Variants in ASXL3 observed in about 807,000 individuals in gnomAD.
ASXL3 encodes ASXL transcriptional regulator 3.
In ASXL3, 34 loss-of-function variants were observed where a neutral mutation model predicts 170.6. That is an observed-to-expected ratio of 0.20 (90% confidence interval 0.15 to 0.27). The LOEUF is 0.27. ASXL3 is among the 10% of genes least tolerant of loss of function. The pLI, the probability that ASXL3 is intolerant of heterozygous loss-of-function variation, is 1.00. For synonymous variants in ASXL3, 1,002 were observed against 989.1 expected, an observed-to-expected ratio of 1.01 and a Z score of -0.24; for missense variants, 2,592 against 2,695.3, an observed-to-expected ratio of 0.96 and a Z score of 0.85.
intron 7 of ASXL3, among the ~76,000 whole-genome samples, chr18:33,675,406 G>GTT (rs141135113): frequency 0.022 from 3,281 of 152,230 alleles, 123 homozygotes; most frequent in African/African-American, 0.076. Flanking sequence ...TGGAAATGAG[G>GTT]TTTTTTACTG....
At chr18:33,723,946 T>G (rs1030368068) in intron 8 of ASXL3, among the ~76,000 whole-genome samples, 2 of 152,196 alleles carry the variant, frequency 1.3e-5, no homozygotes, top group Non-Finnish European at 2.9e-5. Flanking sequence ...CTCAGATTAC[T>G]GTTATCATTT....
At chr18:33,594,119 G>A (rs2065103476) in intron 1 of ASXL3, among the ~76,000 whole-genome samples, 1 of 152,178 alleles carries the variant, frequency 6.6e-6, no homozygotes, top group Non-Finnish European at 1.5e-5. Flanking sequence ...GATTCCTTGT[G>A]GGCTTAAATC....
At chr18:33,662,545 T>C (rs1312302363) in intron 5 of ASXL3, among the ~76,000 whole-genome samples, 1 of 152,102 alleles carries the variant, frequency 6.6e-6, no homozygotes, top group African/African-American at 2.4e-5. Context: ...AAATGCTAAA[T>C]TGTGCAGAGA....
At chr18:33,688,880 T>C (rs2066642118) in intron 8 of ASXL3, among the ~76,000 whole-genome samples, 1 of 152,248 alleles carries the variant, frequency 6.6e-6, no homozygotes, top group African/African-American at 2.4e-5. Flanking sequence ...AAAAAAGTGT[T>C]GAAATAATCA....
intron 8 of ASXL3, among the ~76,000 whole-genome samples, chr18:33,701,336 G>C (rs2066870511): frequency 6.6e-6 from 1 of 151,986 alleles, no homozygotes; most frequent in African/African-American, 2.4e-5. Context: ...GAAGCCAGAT[G>C]GAATTTTGAT....
intron 8 of ASXL3, among the ~76,000 whole-genome samples, chr18:33,708,686 A>C (rs376408664): frequency 6.6e-6 from 1 of 152,186 alleles, no homozygotes; most frequent in Non-Finnish European, 1.5e-5. Flanking sequence ...CCAGTCCCTA[A>C]CAATCAAAAG....
chr18:33,613,960 A>G (rs1221940889), intron 2 of ASXL3, among the ~76,000 whole-genome samples: 2 of 152,096 alleles, frequency 1.3e-5, no homozygotes. Flanking sequence ...ACCTTCAGCA[A>G]GTCATAATCA....
chr18:33,615,819 A>G (rs551160962), intron 2 of ASXL3, among the ~76,000 whole-genome samples: 146 of 152,266 alleles, frequency 9.6e-4, no homozygotes, highest in African/African-American at 3.4e-3. Flanking sequence ...TATAGGGCTT[A>G]TATATGAATG....
In ASXL3 at chr18:33,623,092, T is replaced by G. The variant is rs542620927; in HGVS notation, c.137+15416T>G. 3.9e-5 allele frequency among the ~76,000 whole-genome samples: 6 copies of G among 152,264 alleles called. No individual in the cohort carries two copies. The South Asian group carries it at 1.2e-3, about 32-fold the overall frequency. On this transcript the variant is annotated intron_variant, in intron 2 of 11. Transcript: ENST00000269197. ...CTGAGCCTCTAATGGCCTTCACCAA[T>G]TTTTGCTCTCCACCCCCACCTTCAA...
rs148880905 is a variant in ASXL3, at chr18:33,679,673, C to T, written c.716-3732C>T. On this transcript the variant is annotated intron_variant, in intron 7 of 11. Transcript: ENST00000269197. ...CTTTGTGTGTATGTGGGAAAGAGGGCGTTGCGTACTGATTCATTTTTTAAA... is the reference window on the plus strand; with the variant it reads ...CTTTGTGTGTATGTGGGAAAGAGGGTGTTGCGTACTGATTCATTTTTTAAA... 5.1e-3 allele frequency among the ~76,000 whole-genome samples: 775 copies of T among 152,000 alleles called. 7 individuals carry two copies. The highest frequency in any genetic ancestry group is 0.018 in the African/African-American group (744 of 41,492).
At chr18:33,722,910 C>T (rs560803420) in intron 8 of ASXL3, among the ~76,000 whole-genome samples, 7 of 152,234 alleles carry the variant, frequency 4.6e-5, no homozygotes, top group African/African-American at 1.7e-4. Flanking sequence ...AATCCTACAG[C>T]CCTTAAGAAT....
Position 33,739,071 on chromosome 18 carries a change from C to T in ASXL3, c.1667C>T (p.Thr556Ile), listed in dbSNP as rs1334493958. Reference sequence around the variant, plus strand: ...TCATCTATGACTCATGTCAGTGACACAGAACATAAGGAGTCAGAAACTGCA... The same window carrying T: ...TCATCTATGACTCATGTCAGTGACATAGAACATAAGGAGTCAGAAACTGCA... Reference protein sequence around the residue: ...STSSMTHVSDTEHKESETAVE... With the variant: ...STSSMTHVSDIEHKESETAVE... The change falls in exon 11 of 12, where the codon ACA becomes ATA. Residue 556 changes from threonine (T) to isoleucine (I), a missense_variant. By Grantham distance (89) the Thr-to-Ile change is moderately conservative. Transcript: ENST00000269197. 1 of 1,613,110 alleles carries T rather than the reference C, an allele frequency of 6.2e-7. No homozygotes were observed. The highest frequency in any genetic ancestry group is 8.5e-7 in the Non-Finnish European group (1 of 1,179,626).
intron 5 of ASXL3, among the ~76,000 whole-genome samples, chr18:33,664,324 T>C (rs925601144): frequency 2.0e-5 from 3 of 152,294 alleles, no homozygotes; most frequent in East Asian, 1.9e-4. Context: ...TGTAATAGTA[T>C]AGACGAATTT....
chr18:33,635,259 A>G (rs998121874), intron 2 of ASXL3, among the ~76,000 whole-genome samples: 3 of 152,212 alleles, frequency 2.0e-5, no homozygotes, highest in Non-Finnish European at 4.4e-5. Flanking sequence ...AGCTTGTACA[A>G]GTCATATAAG....
chr18:33,601,129 T>C (rs991877531), intron 1 of ASXL3, among the ~76,000 whole-genome samples: 1 of 152,146 alleles, frequency 6.6e-6, no homozygotes, highest in African/African-American at 2.4e-5. Flanking sequence ...GATGAGAATA[T>C]GTGGCTAGTC....
chr18:33,722,605 AG>A (rs542378988), intron 8 of ASXL3, among the ~76,000 whole-genome samples: 1,577 of 152,262 alleles, frequency 0.01, 12 homozygotes, highest in Non-Finnish European at 0.013. Context: ...TTAGCTCATG[AG>A]GCTTAAGGAA....
intron 4 of ASXL3, among the ~76,000 whole-genome samples, chr18:33,655,224 A>C (rs571643997): frequency 6.6e-6 from 1 of 152,062 alleles, no homozygotes; most frequent in Admixed American, 6.6e-5. Context: ...ATCTGATTCA[A>C]CATTCCTCTT....
chr18:33,738,415 T>C lies in ASXL3; in HGVS notation c.1083-72T>C, dbSNP rs533741560. 2.8e-6 allele frequency: 4 copies of C among 1,413,874 alleles called. No homozygotes were observed. The Admixed American group carries it at 1.0e-4, about 36-fold the overall frequency. The allele number at this position is 1,413,874 out of a possible 1,614,324, so 87.6% of individuals were successfully genotyped here. A position where few individuals can be genotyped will look rare whatever the true frequency, so the allele number is the denominator to read the frequency against. On this transcript the variant is annotated intron_variant, in intron 10 of 11. Coordinates refer to ENST00000269197, the MANE Select transcript of ASXL3 (RefSeq NM_030632.3). ...GCATTTACTTCTATTGAATACTACA[T>C]TCATGAGAGATCCCAGTTGTACCTT... is the stretch of plus-strand genomic sequence containing the variant.
chr18:33,739,560 T>A lies in ASXL3; in HGVS notation c.2156T>A (p.Met719Lys). ...CCTTTAACATCAGAAACCTCACCGA[T>A]GTCTGACTTACCTTTAACATCAGAA... ...NLPLTSETSPMSDLPLTSETS... is the reference protein window; with the variant it reads ...NLPLTSETSPKSDLPLTSETS... Residue 719 changes from methionine to lysine, a missense_variant, in exon 11 of 12, where the codon ATG becomes AAG. Physicochemically the swap from Met to Lys is moderately conservative, Grantham distance 95 (BLOSUM62 -1). This residue lies in a region of ASXL3 where 2,246 missense variants were observed against 2,219.6 expected (regional missense o/e 1.01). Coordinates refer to ENST00000269197, the MANE Select transcript of ASXL3 (RefSeq NM_030632.3). 1 of 1,614,012 alleles carries A rather than the reference T, an allele frequency of 6.2e-7. No homozygotes were observed. The highest frequency in any genetic ancestry group is 1.7e-5 in the Admixed American group (1 of 60,026).
Sources: gnomAD v4.1 joint callset for allele counts (sites outside exome capture counted in the v4.1 genomes callset) on GRCh38, gnomAD v4.1.1 for gene constraint, gnomAD v4.1.1 regional missense constraint, MANE v1.5 for transcripts, NCBI Gene and HGNC (gene_info 2026-07-23, HGNC 2026-07-21) for gene names.